CMSS1: variants seen among roughly 807,000 people sequenced by gnomAD.
CMSS1 encodes the protein protein CMSS1.
A neutral mutation model predicts 43.5 loss-of-function variants in CMSS1; 33 were observed. The observed-to-expected ratio is 0.76, with a 90% CI of 0.57 to 1.01. CMSS1 has a LOEUF of 1.01. Among genes scored for constraint, CMSS1 ranks in the 50% least tolerant of loss-of-function variants. CMSS1 has a pLI of 0.00. For synonymous variants in CMSS1, 115 were observed against 117.2 expected, an observed-to-expected ratio of 0.98 and a Z score of 0.12; for missense variants, 313 against 326.4, an observed-to-expected ratio of 0.96 and a Z score of 0.32.
intron 1 of CMSS1, among the ~76,000 whole-genome samples, chr3:99,835,954 T>TG (rs1453944722): frequency 6.6e-6 from 1 of 152,084 alleles, no homozygotes; most frequent in Non-Finnish European, 1.5e-5. Flanking sequence ...CCCAGTAGTA[T>TG]GTGGGAGGAT....
chr3:100,075,167 G>A (rs529990491), intron 1 of CMSS1, among the ~76,000 whole-genome samples: 8 of 152,284 alleles, frequency 5.3e-5, no homozygotes, highest in African/African-American at 1.2e-4. Context: ...GATAGAGATC[G>A]TCAAAACCAG....
Position 99,829,575 on chromosome 3 carries a change from G to A in CMSS1, c.64+11532G>A, listed in dbSNP as rs373626960. Among the ~76,000 whole-genome samples the A allele has an allele frequency of 8.5e-5, 13 of 152,314 alleles. 1 individual carries two copies. The East Asian group carries it at 1.5e-3, about 18-fold the overall frequency. ...GCTTAGATTGATGAATGCAAAGCTC[G>A]TTGTCACATGAATGAAAATCTAGGA... On this transcript the variant is annotated intron_variant, in intron 1 of 9. Coordinates refer to ENST00000421999, the MANE Select transcript of CMSS1 (RefSeq NM_032359.4).
chr3:100,164,737 G>A (rs2067052568), intron 4 of CMSS1, among the ~76,000 whole-genome samples: 2 of 152,072 alleles, frequency 1.3e-5, no homozygotes, highest in South Asian at 2.1e-4. Flanking sequence ...ATTTGGAATA[G>A]GCTCAAGGAG....
chr3:99,880,549 G>A (rs948052273), intron 1 of CMSS1, among the ~76,000 whole-genome samples: 3 of 152,114 alleles, frequency 2.0e-5, no homozygotes, highest in African/African-American at 7.2e-5. Context: ...AGTGACATAT[G>A]TACCTTGAGA....
intron 1 of CMSS1, among the ~76,000 whole-genome samples, chr3:100,039,373 T>TC: frequency 6.6e-6 from 1 of 152,310 alleles, no homozygotes; most frequent in East Asian, 1.9e-4. Flanking sequence ...AGATGAAATA[T>TC]AATCTATGAT....
intron 1 of CMSS1, chr3:100,025,684 A>ACAGAGACATT (rs1241822127): frequency 6.6e-6 from 1 of 152,196 alleles, no homozygotes; most frequent in Non-Finnish European, 1.5e-5. Flanking sequence ...CAGGTCGTCC[A>ACAGAGACATT]CAGAGACATT....
At chr3:99,856,379 C>T (rs908560509) in intron 1 of CMSS1, among the ~76,000 whole-genome samples, 2 of 152,122 alleles carry the variant, frequency 1.3e-5, no homozygotes, top group African/African-American at 4.8e-5. Flanking sequence ...CTTTATGTAC[C>T]CTCAGGGGTA....
chr3:99,884,207 C>A (rs1040855380), intron 1 of CMSS1, among the ~76,000 whole-genome samples: 1 of 152,134 alleles, frequency 6.6e-6, no homozygotes, highest in Non-Finnish European at 1.5e-5. Context: ...CTGAAGAATT[C>A]TAAAATGTTT....
chr3:99,972,581 G>C (rs1436086576), intron 1 of CMSS1, among the ~76,000 whole-genome samples: 2 of 152,156 alleles, frequency 1.3e-5, no homozygotes, highest in African/African-American at 4.8e-5. Context: ...ATTCTTTCCA[G>C]AGTAAATAAC....
chr3:100,033,470 A>G (rs1019662645), intron 1 of CMSS1, among the ~76,000 whole-genome samples: 10 of 152,176 alleles, frequency 6.6e-5, no homozygotes, highest in Non-Finnish European at 1.3e-4. Context: ...GGTCTTGACT[A>G]ATGTTTGTAA....
chr3:99,917,864 T>C (rs1307428176), intron 1 of CMSS1, among the ~76,000 whole-genome samples: 1 of 152,194 alleles, frequency 6.6e-6, no homozygotes, highest in Non-Finnish European at 1.5e-5. Flanking sequence ...ATCCTAGGCT[T>C]GAGGTAAAAG....
chr3:100,075,076 A>G (rs1180319190), intron 1 of CMSS1, among the ~76,000 whole-genome samples: 1 of 152,002 alleles, frequency 6.6e-6, no homozygotes, highest in Non-Finnish European at 1.5e-5. Flanking sequence ...TTTAGGATAT[A>G]TTTTATTGGT....
At chr3:100,122,891 T>TA (rs1247396020) in intron 1 of CMSS1, among the ~76,000 whole-genome samples, 2 of 152,220 alleles carry the variant, frequency 1.3e-5, no homozygotes, top group Admixed American at 6.5e-5. Context: ...ACATAAAATA[T>TA]AAAGATGGCC....
intron 1 of CMSS1, among the ~76,000 whole-genome samples, chr3:99,834,937 G>A (rs1225269673): frequency 6.6e-6 from 1 of 152,200 alleles, no homozygotes; most frequent in Non-Finnish European, 1.5e-5. Context: ...GGGGAGTAGA[G>A]ATATTGTGTA....
At chr3:100,011,959 T>C (rs1710168640) in intron 1 of CMSS1, among the ~76,000 whole-genome samples, 1 of 152,218 alleles carries the variant, frequency 6.6e-6, no homozygotes, top group Non-Finnish European at 1.5e-5. Context: ...ATATAAGATA[T>C]TGTGTGGCTG....
chr3:99,888,683 G>T (rs1010144512), intron 1 of CMSS1, among the ~76,000 whole-genome samples: 1 of 152,116 alleles, frequency 6.6e-6, no homozygotes, highest in African/African-American at 2.4e-5. Flanking sequence ...GTAGAGAAAA[G>T]AATCTTCTTA....
intron 1 of CMSS1, among the ~76,000 whole-genome samples, chr3:100,029,776 T>C (rs1450095802): frequency 1.3e-5 from 2 of 152,166 alleles, no homozygotes; most frequent in Non-Finnish European, 2.9e-5. Context: ...TAAGAGGGCT[T>C]TTGTAGCTGA....
At chr3:100,083,726 C>T (rs2065965555) in intron 1 of CMSS1, among the ~76,000 whole-genome samples, 1 of 152,086 alleles carries the variant, frequency 6.6e-6, no homozygotes, top group African/African-American at 2.4e-5. Flanking sequence ...AAATTTTTAA[C>T]ATCACCATTT....
intron 1 of CMSS1, among the ~76,000 whole-genome samples, chr3:99,863,759 C>T (rs1294763604): frequency 3.3e-5 from 5 of 152,308 alleles, no homozygotes; most frequent in Admixed American, 6.5e-5. Context: ...CTTACCACAT[C>T]GTTCATCTCC....
Sources: gnomAD v4.1 joint callset for allele counts (sites outside exome capture counted in the v4.1 genomes callset) on GRCh38, gnomAD v4.1.1 for gene constraint, MANE v1.5 for transcripts, NCBI Gene and HGNC (gene_info 2026-07-23, HGNC 2026-07-21) for gene names.